The following TRABD2B variants were observed in gnomAD, a reference collection of about 807,000 sequenced individuals.
TRABD2B encodes metalloprotease TIKI2.
TRABD2B carries 14 observed loss-of-function variants against 40.1 expected under a neutral mutation model. That is an observed-to-expected ratio of 0.35 (90% CI 0.23 to 0.55). The LOEUF is 0.55. Among genes scored for constraint, TRABD2B ranks in the 20% least tolerant of loss-of-function variants. The pLI is 0.90. For synonymous variants in TRABD2B, 263 were observed against 277.0 expected (o/e 0.95, Z 0.50); for missense variants, 541 against 648.6 (o/e 0.83, Z 1.80).
chr1:47,833,664 C>G (rs1371788441), intron 2 of TRABD2B, among the ~76,000 whole-genome samples: 1 of 152,218 alleles, frequency 6.6e-6, no homozygotes, highest in Non-Finnish European at 1.5e-5. Context: ...CCTTATAATA[C>G]CCATACCTTT....
At position 47,990,768 on chromosome 1, in the gene TRABD2B, GTTT is replaced by G. The variant is rs1248786701; in HGVS notation, c.666+3263_666+3265del. ...ACAAGTTGTTGGTTTTAAAACGTTG[GTTT>G]TATATATATATATATATATATATAT... On this transcript the variant is annotated intron_variant, in intron 2 of 6. Transcript: ENST00000606738. Among the ~76,000 whole-genome samples, 8 of 44,936 alleles carry G rather than the reference GTTT, an allele frequency of 1.8e-4. No individual in the cohort carries two copies. In the East Asian group the frequency reaches 3.7e-3, roughly 21 times the overall value. 29.5% of individuals were successfully genotyped at this position (44,936 alleles called of 152,430 possible). A position where few individuals can be genotyped will look rare whatever the true frequency, so the allele number is the denominator to read the frequency against.
At position 47,940,986 on chromosome 1, in the gene TRABD2B, T is replaced by C. The variant is rs1428061251; in HGVS notation, c.666+53048A>G. Reference sequence around the variant, plus strand: ...CAGTAGGGCCATATGAATGACACTCTCCACCCACACTTACCCACTCCCGAC... The same window carrying C: ...CAGTAGGGCCATATGAATGACACTCCCCACCCACACTTACCCACTCCCGAC... On this transcript the variant is annotated intron_variant, in intron 2 of 6. Coordinates refer to ENST00000606738, the MANE Select transcript of TRABD2B (RefSeq NM_001194986.2). Among the ~76,000 whole-genome samples the C allele has an allele frequency of 7.2e-5, 11 of 152,138 alleles. No individual in the cohort carries two copies. The East Asian group carries it at 2.1e-3, about 29-fold the overall frequency.
chr1:47,782,361 C>A (rs1644536614), intron 4 of TRABD2B, among the ~76,000 whole-genome samples: 1 of 152,190 alleles, frequency 6.6e-6, no homozygotes, highest in Non-Finnish European at 1.5e-5. Flanking sequence ...TGAATCACTG[C>A]AGAAACTGCT....
At chr1:47,935,275 TCA>T (rs973833509) in intron 2 of TRABD2B, among the ~76,000 whole-genome samples, 4 of 152,268 alleles carry the variant, frequency 2.6e-5, no homozygotes, top group Middle Eastern at 3.4e-3. Context: ...GAACAAAAGC[TCA>T]GAGAGGTTAA....
At chr1:47,893,165 A>G (rs940465159) in intron 2 of TRABD2B, among the ~76,000 whole-genome samples, 6 of 152,116 alleles carry the variant, frequency 3.9e-5, no homozygotes, top group African/African-American at 1.4e-4. Context: ...GAAGTGGATA[A>G]AGTTAGTGAC....
intron 3 of TRABD2B, among the ~76,000 whole-genome samples, chr1:47,796,998 T>C (rs1644757787): frequency 6.6e-6 from 1 of 152,144 alleles, no homozygotes; most frequent in African/African-American, 2.4e-5. Context: ...TACCACCAAA[T>C]AAATATTTGT....
intron 2 of TRABD2B, among the ~76,000 whole-genome samples, chr1:47,842,412 C>T (rs888165506): frequency 2.0e-5 from 3 of 152,162 alleles, no homozygotes; most frequent in African/African-American, 7.2e-5. Flanking sequence ...CTTTGCCTTT[C>T]TTATTCTGCC....
At chr1:47,881,022 C>T (rs997615658) in intron 2 of TRABD2B, among the ~76,000 whole-genome samples, 6 of 152,206 alleles carry the variant, frequency 3.9e-5, no homozygotes, top group Admixed American at 6.5e-5. Flanking sequence ...TAGATCTTGT[C>T]CTGTAGGCCA....
chr1:47,962,899 G>A lies in TRABD2B; in HGVS notation c.666+31135C>T, dbSNP rs1233678641. Among the ~76,000 whole-genome samples, 5 of 152,322 alleles carry A rather than the reference G, an allele frequency of 3.3e-5. No homozygotes were observed. The South Asian group carries it at 8.3e-4, about 25-fold the overall frequency. ...GAGCACAAGGCTGCCTCCATTCACA[G>A]GAAGGGGTATCTACTCCCACATAAC... On this transcript the variant is annotated intron_variant, in intron 2 of 6. Transcript: ENST00000606738.
chr1:47,905,217 G>C (rs1241807569), intron 2 of TRABD2B, among the ~76,000 whole-genome samples: 1 of 152,234 alleles, frequency 6.6e-6, no homozygotes, highest in Admixed American at 6.5e-5. Flanking sequence ...GCCTGGAGGG[G>C]AGCAGGTTCT....
chr1:47,815,180 T>G (rs1645014570), intron 2 of TRABD2B, among the ~76,000 whole-genome samples: 2 of 152,228 alleles, frequency 1.3e-5, no homozygotes, highest in African/African-American at 4.8e-5. Context: ...GGCAAAAGAA[T>G]GTGAAACTGA....
At chr1:47,882,044 C>G (rs1423215709) in intron 2 of TRABD2B, among the ~76,000 whole-genome samples, 2 of 152,224 alleles carry the variant, frequency 1.3e-5, no homozygotes, top group Non-Finnish European at 2.9e-5. Context: ...GCCTTCTGCC[C>G]TCAGAAGCCT....
At chr1:47,888,615 C>T (rs559156356) in intron 2 of TRABD2B, among the ~76,000 whole-genome samples, 3 of 152,250 alleles carry the variant, frequency 2.0e-5, no homozygotes, top group Admixed American at 6.5e-5. Flanking sequence ...CAGTGACTGT[C>T]ACCTGCTTAC....
intron 2 of TRABD2B, among the ~76,000 whole-genome samples, chr1:47,936,231 G>A (rs1325474617): frequency 6.6e-6 from 1 of 152,194 alleles, no homozygotes; most frequent in African/African-American, 2.4e-5. Context: ...TTGGGGCTGA[G>A]GTCATGAATT....
chr1:47,875,753 ACTT>A (rs1644217007), intron 2 of TRABD2B, among the ~76,000 whole-genome samples: 2 of 151,422 alleles, frequency 1.3e-5, no homozygotes, highest in African/African-American at 4.8e-5. Context: ...GGACAAAGTG[ACTT>A]CTTCTACCTG....
intron 2 of TRABD2B, among the ~76,000 whole-genome samples, chr1:47,894,776 A>G (rs902656067): frequency 6.6e-6 from 1 of 152,194 alleles, no homozygotes; most frequent in African/African-American, 2.4e-5. Flanking sequence ...AGGGAAGTGA[A>G]CATGACGTAC....
intron 2 of TRABD2B, among the ~76,000 whole-genome samples, chr1:47,815,866 A>C (rs917913380): frequency 1.3e-5 from 2 of 151,826 alleles, no homozygotes; most frequent in African/African-American, 4.8e-5. Context: ...TAGAGTCAGG[A>C]GTGTGGACTG....
chr1:47,771,482 C>T (rs1644377333), intron 6 of TRABD2B, among the ~76,000 whole-genome samples: 1 of 152,224 alleles, frequency 6.6e-6, no homozygotes, highest in Non-Finnish European at 1.5e-5. Context: ...ATGGCCCAGA[C>T]ATTCTGCTCC....
chr1:47,881,929 C>A (rs754789361), intron 2 of TRABD2B, among the ~76,000 whole-genome samples: 6 of 152,340 alleles, frequency 3.9e-5, no homozygotes, highest in Non-Finnish European at 7.4e-5. Flanking sequence ...CATCTGCACA[C>A]CCCCATGAGG....
Sources: gnomAD v4.1 joint callset for allele counts (sites outside exome capture counted in the v4.1 genomes callset) on GRCh38, gnomAD v4.1.1 for gene constraint, MANE v1.5 for transcripts, NCBI Gene and HGNC (gene_info 2026-07-23, HGNC 2026-07-21) for gene names.